SREBF1: variants seen among roughly 807,000 people sequenced by gnomAD.
The protein encoded by SREBF1 is sterol regulatory element-binding protein 1.
SREBF1 carries 45 observed loss-of-function variants against 100.1 expected under a neutral mutation model. The observed-to-expected ratio is 0.45, with a 90% CI of 0.35 to 0.58. The LOEUF is 0.58. Among genes scored for constraint, SREBF1 ranks in the 20% least tolerant of loss-of-function variants. The pLI is 0.00. For synonymous variants in SREBF1, 657 were observed against 681.8 expected, an observed-to-expected ratio of 0.96 and a Z score of 0.57; for missense variants, 1,324 against 1,539.4, an observed-to-expected ratio of 0.86 and a Z score of 2.34.
intron 1 of SREBF1, among the ~76,000 whole-genome samples, chr17:17,831,029 T>C (rs2034827686): frequency 8.3e-6 from 1 of 119,842 alleles, no homozygotes. Context: ...ACCGGGTCAC[T>C]CAGGATGTTT....
At chr17:17,825,868 G>A (rs908005578) in intron 1 of SREBF1, among the ~76,000 whole-genome samples, 5 of 152,036 alleles carry the variant, frequency 3.3e-5, no homozygotes, top group Admixed American at 6.5e-5. Context: ...CTCCCACCTC[G>A]GCCTCCCAAT....
intron 1 of SREBF1, among the ~76,000 whole-genome samples, chr17:17,835,475 G>T (rs2037837789): frequency 6.6e-6 from 1 of 152,222 alleles, no homozygotes; most frequent in Non-Finnish European, 1.5e-5. Flanking sequence ...CTGCAAGGCT[G>T]CAGTAGGGCA....
chr17:17,825,603 CTTTTTTTTTTTTTT>C lies in SREBF1; in HGVS notation c.92-5096_92-5083del, dbSNP rs60178339. 2.4e-3 allele frequency among the ~76,000 whole-genome samples: 222 copies of C among 92,556 alleles called. 2 individuals are homozygous for C. The highest frequency in any genetic ancestry group is 3.7e-3 in the Non-Finnish European group (160 of 43,822). The allele number at this position is 92,556 out of a possible 152,430, so 60.7% of individuals were successfully genotyped here. On this transcript the variant is annotated intron_variant, in intron 1 of 18. Coordinates refer to ENST00000261646, the MANE Select transcript of SREBF1 (RefSeq NM_004176.5). ...CTGGGGCTGATCTACTGGCCAATTT[CTTTTTTTTTTTTTT>C]TTTTTTTTGAGACAGAGTCTGGCTC...
intron 1 of SREBF1, among the ~76,000 whole-genome samples, chr17:17,833,471 A>ATC (rs1248130908): frequency 6.8e-5 from 9 of 132,026 alleles, no homozygotes; most frequent in Admixed American, 6.6e-4. Flanking sequence ...ATATATATAT[A>ATC]TATACACACA....
At chr17:17,832,066 C>T (rs1567993536) in intron 1 of SREBF1, among the ~76,000 whole-genome samples, 1 of 152,188 alleles carries the variant, frequency 6.6e-6, no homozygotes, top group East Asian at 1.9e-4. Flanking sequence ...AGGAGCCTCC[C>T]TCAACCCCTC....
intron 9 of SREBF1, 105 bp downstream of exon 9, chr17:17,816,853 G>C (rs754646278): frequency 6.3e-5 from 101 of 1,592,548 alleles, no homozygotes; most frequent in Non-Finnish European, 7.8e-5. Context: ...GGGAGGACGG[G>C]ACAGATTCAT....
intron 1 of SREBF1, among the ~76,000 whole-genome samples, chr17:17,833,467 A>ATATATG (rs1555573453): frequency 5.6e-5 from 7 of 125,878 alleles, no homozygotes; most frequent in South Asian, 2.4e-4. Flanking sequence ...ATATATATAT[A>ATATATG]TATATATACA....
Position 17,817,739 on chromosome 17 carries a change from C to T in SREBF1, c.1361G>A (p.Gly454Asp). 1 of 1,613,492 alleles carries T rather than the reference C, an allele frequency of 6.2e-7. No homozygotes were observed. The highest frequency in any genetic ancestry group is 8.5e-7 in the Non-Finnish European group (1 of 1,179,944). The change falls in exon 7 of 19, where the codon GGC becomes GAC. Residue 454 changes from glycine to aspartate, a missense_variant. Coordinates refer to ENST00000261646, the MANE Select transcript of SREBF1 (RefSeq NM_004176.5). The surrounding 1 kb of genome is among the most constrained non-coding windows in gnomAD (Gnocchi z 6.6). ...GSRGSGSGGS[G>D]SDSEPDSPVF... Reference sequence around the variant, plus strand: ...TGGGCTGTCAGGCTCCGAGTCACTGCCACTGCCACCGCTGCCACTGCCCCT... The same window carrying T: ...TGGGCTGTCAGGCTCCGAGTCACTGTCACTGCCACCGCTGCCACTGCCCCT...
At position 17,817,218 on chromosome 17, in the gene SREBF1, G is replaced by A. The variant is rs1473734098; in HGVS notation, c.1606+38C>T. 1 of 1,609,338 alleles carries A rather than the reference G, an allele frequency of 6.2e-7. No individual in the cohort carries two copies. The highest frequency in any genetic ancestry group is 8.5e-7 in the Non-Finnish European group (1 of 1,178,238). On this transcript the variant is annotated intron_variant, in intron 8 of 18. Transcript: ENST00000261646. This position sits in a 1 kb window ranked among gnomAD's most constrained non-coding sequence, Gnocchi z 6.6. Reference sequence around the variant, plus strand: ...TCACAAGCCTGGGGGCTCACCCCGAGTGTCCCTCCCAAAGATGCCCAGGCT... The same window carrying A: ...TCACAAGCCTGGGGGCTCACCCCGAATGTCCCTCCCAAAGATGCCCAGGCT...
intron 1 of SREBF1, among the ~76,000 whole-genome samples, chr17:17,832,234 G>A (rs2034904521): frequency 6.6e-6 from 1 of 152,186 alleles, no homozygotes. Context: ...TTCATCATAT[G>A]TCTACCTACT....
At chr17:17,816,411 C>T (rs1158352061) in intron 10 of SREBF1, 38 bp from the exon 11 acceptor site, 1 of 1,599,574 alleles carries the variant, frequency 6.3e-7, no homozygotes, top group East Asian at 2.3e-5. Flanking sequence ...GGGTGGAGCA[C>T]AGGCAGCAGG....
chr17:17,812,198 T>G lies in SREBF1; in HGVS notation c.*424A>C, dbSNP rs1323813955. 9.7e-6 allele frequency: 4 copies of G among 413,640 alleles called. No homozygotes were observed. The highest frequency in any genetic ancestry group is 8.4e-5 in the African/African-American group (4 of 47,450). 25.6% of individuals were successfully genotyped at this position (413,640 alleles called of 1,614,324 possible). ...GGAGGCTAAGCACGCTGACCTACAC[T>G]ATGTACACGTCTCTCTCCCACGACG... On this transcript the variant is annotated 3_prime_UTR_variant, in exon 19 of 19. Transcript: ENST00000261646.
chr17:17,823,623 G>A (rs2034266898), intron 1 of SREBF1: 2 of 1,605,330 alleles, frequency 1.2e-6, no homozygotes, highest in African/African-American at 1.3e-5. Context: ...AAGGCGCGGC[G>A]GATTTTTGAA....
In SREBF1 at chr17:17,816,338, G is replaced by A; in HGVS notation, c.2083C>T (p.Leu695=). The change falls in exon 11 of 19, where the codon CTG becomes TTG. Residue 695 remains leucine, a synonymous_variant. Transcript: ENST00000261646. ...GCCAGGTTCAGGGCACTCAGCGCCA[G>A]GTTGGTGGCAGTGAGGTGCCCGCCT... ...HTGGHLTATN[L]ALSALNLAEC... is the part of the protein sequence containing the mutation. 2 of 1,586,452 alleles carry A rather than the reference G, an allele frequency of 1.3e-6. No individual in the cohort carries two copies. The highest frequency in any genetic ancestry group is 1.7e-6 in the Non-Finnish European group (2 of 1,168,700).
intron 4 of SREBF1, 34 bp downstream of exon 4, chr17:17,819,286 C>T (rs2033899450): frequency 9.9e-6 from 16 of 1,613,344 alleles, no homozygotes; most frequent in Non-Finnish European, 1.4e-5. Context: ...TGTGTGTAGA[C>T]CCCACTCCCT....
In SREBF1 at chr17:17,814,631, C is replaced by G; in HGVS notation, c.2719G>C (p.Val907Leu). 1 of 1,545,308 alleles carries G rather than the reference C, an allele frequency of 6.5e-7. No individual in the cohort carries two copies. Among genetic ancestry groups the G allele is most frequent in the Non-Finnish European group, 8.7e-7 (1 of 1,150,008 alleles). ...TGCACTCACTCAGACTCCTGCAGCA[C>G]CCGGGGCAGGTGCTCCACCAGCGGG... ...LCPLVEHLPR[V>L]LQESERPLPR... Residue 907 changes from valine to leucine, a missense_variant, in exon 15 of 19, where the codon GTG becomes CTG. Transcript: ENST00000261646.
intron 11 of SREBF1, 21 bp from the exon 12 acceptor site, chr17:17,816,049 C>T: frequency 6.2e-7 from 1 of 1,608,940 alleles, no homozygotes; most frequent in Non-Finnish European, 8.5e-7. Flanking sequence ...GGGTACTGGG[C>T]TGTCACAGTG....
In SREBF1 at chr17:17,816,664, G is replaced by A. The variant is rs751476559; in HGVS notation, c.1840C>T (p.Arg614Trp). ...QLWLALRALG[R>W]PLPTSHLDLA... ...TCCAGGTGGGAGGTGGGCAGGGGCC[G>A]GCCCAGTGCCCGCAGGGCCAGCCAC... Residue 614 changes from arginine (R) to tryptophan (W), a missense_variant, in exon 10 of 19, where the codon CGG (arginine) becomes TGG (tryptophan). By Grantham distance (101) the Arg-to-Trp change is moderately radical. Transcript: ENST00000261646. The A allele has an allele frequency of 6.9e-6, 11 of 1,586,616 alleles. No individual in the cohort carries two copies. The highest frequency in any genetic ancestry group is 1.8e-5 in the Admixed American group (1 of 54,978).
At position 17,814,899 on chromosome 17, in the gene SREBF1, A is replaced by G. The variant is rs372124391; in HGVS notation, c.2538T>C (p.Cys846=). ...AGGCAGGAGCCCCCGCAGCATCAGA[A>G]CAGCTGTTCAGCAGCTGCAGGTACC... ...ALGYLQLLNS[C]SDAAGAPAYS... The change falls in exon 14 of 19, where the codon TGT becomes TGC. Residue 846 remains cysteine (C), a synonymous_variant. Coordinates refer to ENST00000261646, the MANE Select transcript of SREBF1 (RefSeq NM_004176.5). The G allele has an allele frequency of 1.6e-5, 26 of 1,582,108 alleles. No individual in the cohort carries two copies. Among genetic ancestry groups the G allele is most frequent in the Non-Finnish European group, 2.2e-5 (26 of 1,164,782 alleles).
Sources: allele counts gnomAD v4.1 joint callset (sites outside exome capture counted in the v4.1 genomes callset), GRCh38; gene constraint gnomAD v4.1.1; non-coding constraint Gnocchi (gnomAD v3.1); transcripts MANE v1.5; gene names NCBI Gene and HGNC (gene_info 2026-07-23, HGNC 2026-07-21).